CRTC1: variants seen among roughly 807,000 people sequenced by gnomAD.
CRTC1 encodes the protein CREB regulated transcription coactivator 1, also known as CREB-regulated transcription coactivator 1.
In CRTC1, 18 loss-of-function variants were observed where a neutral mutation model predicts 66.1. The ratio of observed to expected loss-of-function variants is 0.27; its 90% confidence interval spans 0.19 to 0.40. The LOEUF (loss-of-function observed/expected upper bound fraction) is 0.40. Ranked by LOEUF, CRTC1 falls within the 10% of genes least tolerant of loss-of-function variation. The pLI is 1.00. For missense variants in CRTC1, 669 were observed against 887.9 expected (o/e 0.75, Z 3.13); for synonymous variants, 416 against 398.8 (o/e 1.04, Z -0.51).
intron 1 of CRTC1, among the ~76,000 whole-genome samples, chr19:18,689,106 C>T (rs1179744608): frequency 1.3e-5 from 2 of 151,932 alleles, no homozygotes; most frequent in African/African-American, 2.4e-5. Context: ...CCACCACACC[C>T]GGCTAATTTT....
chr19:18,688,297 C>T (rs1409209848), intron 1 of CRTC1, among the ~76,000 whole-genome samples: 6 of 152,044 alleles, frequency 3.9e-5, no homozygotes, highest in Non-Finnish European at 8.8e-5. Context: ...GGGACAGGCA[C>T]AGTCAGAGCC....
At chr19:18,687,476 AG>A (rs2052711912) in intron 1 of CRTC1, among the ~76,000 whole-genome samples, 1 of 152,140 alleles carries the variant, frequency 6.6e-6, no homozygotes, top group African/African-American at 2.4e-5. Context: ...GCTTATTCCC[AG>A]TTTGACTGGC....
In CRTC1 at chr19:18,771,554, G is replaced by A; in HGVS notation, c.1425+8G>A. On this transcript the variant is annotated splice_region_variant and intron_variant, in intron 11 of 13. Transcript: ENST00000321949. The surrounding 1 kb of genome is among the most constrained non-coding windows in gnomAD (Gnocchi z 4.6). ...CCAGGGAGCTCCCCGCAAGTAAGGG[G>A]CGCCGCCTCCCCCTTGGCCTGTGGG... The A allele has an allele frequency of 1.9e-6, 3 of 1,606,510 alleles. No individual in the cohort carries two copies. Among genetic ancestry groups the A allele is most frequent in the Non-Finnish European group, 2.6e-6 (3 of 1,175,220 alleles).
intron 1 of CRTC1, among the ~76,000 whole-genome samples, chr19:18,728,169 G>T (rs1007735563): frequency 1.3e-5 from 2 of 152,156 alleles, no homozygotes; most frequent in African/African-American, 4.8e-5. Flanking sequence ...GGGACTCTGG[G>T]GTCAGGACAA....
At chr19:18,745,992 G>C (rs1568518645) in intron 3 of CRTC1, 32 bp downstream of exon 3, 1 of 1,583,632 alleles carries the variant, frequency 6.3e-7, no homozygotes. Flanking sequence ...GAGGGTGGGG[G>C]CCAGGCCCTG....
chr19:18,737,748 C>T (rs555248598), intron 1 of CRTC1, among the ~76,000 whole-genome samples: 1 of 151,902 alleles, frequency 6.6e-6, no homozygotes, highest in Non-Finnish European at 1.5e-5. Context: ...TGCTCCTCCT[C>T]CTCCTCCTCC....
At chr19:18,770,066 G>A (rs1368793833) in intron 10 of CRTC1, among the ~76,000 whole-genome samples, 1 of 114,960 alleles carries the variant, frequency 8.7e-6, no homozygotes, top group African/African-American at 3.3e-5. Flanking sequence ...CTGCCCAGAA[G>A]GCGCCACCAA....
At position 18,781,453 on chromosome 19, in the gene CRTC1, C is replaced by T. The variant is rs535405695; in HGVS notation, c.*4071C>T. On this transcript the variant is annotated 3_prime_UTR_variant, in exon 14 of 14. Coordinates refer to ENST00000321949, the MANE Select transcript of CRTC1 (RefSeq NM_015321.3). ...CCTGAGCCAAGTGTCCTGTTCCCTG[C>T]GGCCCTTGGCCTTCCAGGGTCCTGG... The T allele has an allele frequency of 7.4e-5, 17 of 229,934 alleles. No homozygotes were observed. In the South Asian group the frequency reaches 1.1e-3, roughly 15 times the overall value. The allele number at this position is 229,934 out of a possible 1,614,324, so 14.2% of individuals were successfully genotyped here. A position where few individuals can be genotyped will look rare whatever the true frequency, so the allele number is the denominator to read the frequency against.
At chr19:18,754,968 A>T (rs969571690) in intron 6 of CRTC1, among the ~76,000 whole-genome samples, 1 of 151,038 alleles carries the variant, frequency 6.6e-6, no homozygotes, top group African/African-American at 2.4e-5. Flanking sequence ...AAATTTTATT[A>T]TATTTATTTT....
intron 2 of CRTC1, among the ~76,000 whole-genome samples, chr19:18,744,737 T>C (rs2054192994): frequency 6.6e-6 from 1 of 151,926 alleles, no homozygotes; most frequent in South Asian, 2.1e-4. Flanking sequence ...GGCCCACGTC[T>C]CCCATGCCCA....
In CRTC1 at chr19:18,760,308, A is replaced by T; in HGVS notation, c.886+80A>T. On this transcript the variant is annotated intron_variant, in intron 8 of 13. Coordinates refer to ENST00000321949, the MANE Select transcript of CRTC1 (RefSeq NM_015321.3). The surrounding 1 kb of genome is among the most constrained non-coding windows in gnomAD (Gnocchi z 6.2). ...GGGCATCTGCAGGATGACTTGGCAGAGTCCCGTTCCAAATACTAGGGCATG... is the reference window on the plus strand; with the variant it reads ...GGGCATCTGCAGGATGACTTGGCAGTGTCCCGTTCCAAATACTAGGGCATG... 8.1e-7 allele frequency: 1 copy of T among 1,235,152 alleles called. No individual in the cohort carries two copies. Among genetic ancestry groups the T allele is most frequent in the Non-Finnish European group, 1.1e-6 (1 of 880,638 alleles). The allele number at this position is 1,235,152 out of a possible 1,614,324, so 76.5% of individuals were successfully genotyped here. A position where few individuals can be genotyped will look rare whatever the true frequency, so the allele number is the denominator to read the frequency against.
chr19:18,753,605 C>T lies in CRTC1; in HGVS notation c.624+20C>T, dbSNP rs1370764278. On this transcript the variant is annotated intron_variant, in intron 6 of 13. Transcript: ENST00000321949. ...AAGAAGGTAAGAGCCTATGAGCTTT[C>T]AAAAACTTTTTTTCTTCTTTCTCTT... 1 of 1,579,796 alleles carries T rather than the reference C, an allele frequency of 6.3e-7. No homozygotes were observed. Among genetic ancestry groups the T allele is most frequent in the Non-Finnish European group, 8.6e-7 (1 of 1,159,258 alleles).
At chr19:18,757,178 G>A (rs1484877355) in intron 6 of CRTC1, among the ~76,000 whole-genome samples, 3 of 152,138 alleles carry the variant, frequency 2.0e-5, no homozygotes, top group Non-Finnish European at 4.4e-5. Flanking sequence ...GCGGAAACGT[G>A]TCACACTGGG....
At chr19:18,763,541 C>T (rs570466132) in intron 8 of CRTC1, among the ~76,000 whole-genome samples, 2 of 152,330 alleles carry the variant, frequency 1.3e-5, no homozygotes, top group Admixed American at 1.3e-4. Context: ...CATGAAATCG[C>T]CGGACAACGC....
At position 18,700,753 on chromosome 19, in the gene CRTC1, G is replaced by A. The variant is rs548948981; in HGVS notation, c.126+16925G>A. Among the ~76,000 whole-genome samples, 210 of 152,270 alleles carry A rather than the reference G, an allele frequency of 1.4e-3. 1 individual carries two copies. Among genetic ancestry groups the A allele is most frequent in the Non-Finnish European group, 2.2e-3 (150 of 68,006 alleles). On this transcript the variant is annotated intron_variant, in intron 1 of 13. Coordinates refer to ENST00000321949, the MANE Select transcript of CRTC1 (RefSeq NM_015321.3). ...TGGCCGTCCCTCTGGCTGGGGACAC[G>A]GGGAGGCCGAGCGTGTCCGCAAAGA...
chr19:18,722,404 A>C (rs2053650556), intron 1 of CRTC1, among the ~76,000 whole-genome samples: 1 of 152,190 alleles, frequency 6.6e-6, no homozygotes, highest in South Asian at 2.1e-4. Context: ...TGTGGAAAAA[A>C]GGTCTTTGGG....
At chr19:18,744,264 G>C in intron 2 of CRTC1, 1 of 1,049,236 alleles carries the variant, frequency 9.5e-7, no homozygotes, top group Non-Finnish European at 1.4e-6. Flanking sequence ...GGCCGCCCCT[G>C]CGGCTCCCAG....
intron 2 of CRTC1, chr19:18,743,967 C>T: frequency 5.2e-6 from 4 of 765,274 alleles, no homozygotes; most frequent in Non-Finnish European, 8.6e-6. Context: ...CAAGCTCAGC[C>T]TGAGTGGGGC....
At position 18,779,451 on chromosome 19, in the gene CRTC1, CG is replaced by C; in HGVS notation, c.*2073del. ...CATGACAGAGGCTGGGGGCAGACAGCGGGGACTTTTTTTTTTTTTTAAGAAA... is the reference window on the plus strand; with the variant it reads ...CATGACAGAGGCTGGGGGCAGACAGCGGGACTTTTTTTTTTTTTTAAGAAA... On this transcript the variant is annotated 3_prime_UTR_variant, in exon 14 of 14. Transcript: ENST00000321949. 1 of 215,586 alleles carries C rather than the reference CG, an allele frequency of 4.6e-6. No individual in the cohort carries two copies. Among genetic ancestry groups the C allele is most frequent in the African/African-American group, 2.3e-5 (1 of 43,592 alleles). The allele number at this position is 215,586 out of a possible 1,614,324, so 13.4% of individuals were successfully genotyped here.
Sources: allele counts gnomAD v4.1 joint callset (sites outside exome capture counted in the v4.1 genomes callset), GRCh38; gene constraint gnomAD v4.1.1; non-coding constraint Gnocchi (gnomAD v3.1); transcripts MANE v1.5; gene names NCBI Gene and HGNC (gene_info 2026-07-23, HGNC 2026-07-21).